The following KLHL10 variants were observed in gnomAD, a reference collection of about 807,000 sequenced individuals.
The protein encoded by KLHL10 is kelch-like protein 10.
KLHL10 carries 11 observed loss-of-function variants against 46.6 expected under a neutral mutation model. The ratio of observed to expected loss-of-function variants is 0.24; its 90% CI spans 0.15 to 0.39. The LOEUF (loss-of-function observed/expected upper bound fraction) is 0.39, where lower values mean the gene tolerates loss of function less well. KLHL10 is among the 10% of genes least tolerant of loss of function. The probability of loss-of-function intolerance (pLI) is 1.00; values close to 1 mark genes in which losing one functional copy is unlikely to be tolerated. For synonymous variants in KLHL10, 254 were observed against 279.1 expected, an observed-to-expected ratio of 0.91 and a Z score of 0.90; for missense variants, 475 against 789.8, an observed-to-expected ratio of 0.60 and a Z score of 4.78.
In KLHL10 at chr17:41,838,088, C is replaced by T; in HGVS notation, c.156C>T (p.Ala52=). ...AGGTCAATGGCTTTGAGTTCAGTGC[C>T]CATAAGAACATCCTCTGTAGCTGCA... is the stretch of plus-strand genomic sequence containing the variant. The part of the protein sequence containing the change: ...VIKVNGFEFS[A]HKNILCSCSS... The change falls in exon 1 of 5, where the codon GCC becomes GCT. Residue 52 remains alanine (A), a synonymous_variant. Transcript: ENST00000293303. The T allele has an allele frequency of 6.2e-7, 1 of 1,613,966 alleles. No homozygotes were observed. The highest frequency in any genetic ancestry group is 8.5e-7 in the Non-Finnish European group (1 of 1,179,974).
chr17:41,836,470 C>T, upstream of KLHL10: 4 of 984,490 alleles, frequency 4.1e-6, no homozygotes, highest in Non-Finnish European at 4.8e-6. Flanking sequence ...TTCTGCCACT[C>T]TTTGTGGAGG....
At chr17:41,836,464 G>GC, upstream of KLHL10, 1 of 984,900 alleles carries the variant, frequency 1.0e-6, no homozygotes, top group Non-Finnish European at 1.2e-6. Context: ...GTAGGGTTCT[G>GC]CCACTCTTTG....
chr17:41,844,499 TG>T (rs1394557667), intron 2 of KLHL10, among the ~76,000 whole-genome samples: 6 of 149,988 alleles, frequency 4.0e-5, no homozygotes, highest in Non-Finnish European at 5.9e-5. Context: ...CCCAAAATGT[TG>T]GGATTGCAGG....
upstream of KLHL10, chr17:41,836,035 G>A (rs1256892271): frequency 4.2e-6 from 6 of 1,439,526 alleles, no homozygotes; most frequent in Admixed American, 1.1e-4. Context: ...GCTCGGGCGC[G>A]CGTGTGAGGC....
chr17:41,836,397 T>A, upstream of KLHL10: 10 of 1,224,070 alleles, frequency 8.2e-6, no homozygotes, highest in Non-Finnish European at 1.0e-5. Context: ...GGAGGAGGGT[T>A]CTATTTATTA....
chr17:41,839,540 G>A (rs1217680734), intron 1 of KLHL10, among the ~76,000 whole-genome samples: 3 of 152,192 alleles, frequency 2.0e-5, no homozygotes, highest in African/African-American at 7.2e-5. Flanking sequence ...AATATCAGAA[G>A]AAAAAGGGAG....
intron 4 of KLHL10, 65 bp downstream of exon 4, chr17:41,847,475 T>G: frequency 6.3e-7 from 1 of 1,589,612 alleles, no homozygotes; most frequent in Non-Finnish European, 8.6e-7. Flanking sequence ...TATTAGTAAA[T>G]GGGTTTATGC....
Position 41,845,622 on chromosome 17 carries a change from T to C in KLHL10, c.1181T>C (p.Phe394Ser). ...LGNFIYAMGG[F>S]DGYVRLNTAE... ...AATTTTATTTATGCCATGGGAGGAT[T>C]TGATGGCTACGTGCGTCTAAACACT... Residue 394 changes from phenylalanine to serine, a missense_variant, in exon 3 of 5, where the codon TTT becomes TCT. Phe to Ser is a radical substitution (Grantham distance 155). Coordinates refer to ENST00000293303, the MANE Select transcript of KLHL10 (RefSeq NM_152467.5). 6.2e-7 allele frequency: 1 copy of C among 1,613,930 alleles called. No homozygotes were observed. Among genetic ancestry groups the C allele is most frequent in the South Asian group, 1.1e-5 (1 of 91,068 alleles).
chr17:41,847,846 T>C lies in KLHL10; in HGVS notation c.1453-87T>C, dbSNP rs577210476. The C allele has an allele frequency of 4.5e-5, 69 of 1,538,176 alleles. No individual in the cohort carries two copies. In the South Asian group the frequency reaches 6.5e-4, roughly 15 times the overall value. ...TGGAAGATAATGGAAGAGGGAGTTATGAGATCACTGGTACCCCCAACAAGG... is the reference window on the plus strand; with the variant it reads ...TGGAAGATAATGGAAGAGGGAGTTACGAGATCACTGGTACCCCCAACAAGG... On this transcript the variant is annotated intron_variant, in intron 4 of 4. Coordinates refer to ENST00000293303, the MANE Select transcript of KLHL10 (RefSeq NM_152467.5).
rs2048181858 is a variant in KLHL10 at position 41,837,847 on chromosome 17, A to G, written c.-86A>G. 6.3e-7 allele frequency: 1 copy of G among 1,598,596 alleles called. No individual in the cohort carries two copies. Among genetic ancestry groups the G allele is most frequent in the African/African-American group, 1.3e-5 (1 of 74,500 alleles). On this transcript the variant is annotated 5_prime_UTR_variant, in exon 1 of 5. Transcript: ENST00000293303. ...CCTATACAAAAGATGTAGTAGGGAA[A>G]AGGAGCGACAGCTGGCTAAAGGGGC...
chr17:41,836,310 G>A (rs2048159147), upstream of KLHL10: 1 of 1,229,552 alleles, frequency 8.1e-7, no homozygotes, highest in Admixed American at 4.3e-5. Flanking sequence ...GGGGCGGGGC[G>A]GGGGTGGGGC....
At chr17:41,836,741 A>C (rs990331829), upstream of KLHL10, among the ~76,000 whole-genome samples, 1 of 152,126 alleles carries the variant, frequency 6.6e-6, no homozygotes, top group African/African-American at 2.4e-5. Context: ...CACGAGGATC[A>C]CTTGAGCCCG....
chr17:41,846,179 T>G (rs1006054971), intron 3 of KLHL10, among the ~76,000 whole-genome samples: 1 of 149,830 alleles, frequency 6.7e-6, no homozygotes, highest in Non-Finnish European at 1.5e-5. Flanking sequence ...GCCATTTCAC[T>G]CCAGCCCGGG....
Position 41,842,136 on chromosome 17 carries a change from G to A in KLHL10, c.508G>A (p.Glu170Lys). The A allele has an allele frequency of 6.2e-7, 1 of 1,614,218 alleles. No homozygotes were observed. Among genetic ancestry groups the A allele is most frequent in the Non-Finnish European group, 8.5e-7 (1 of 1,180,050 alleles). ...AYMFILHNFE[E>K]MVKVSAEFLE... ...CATGTTCATACTGCACAACTTTGAG[G>A]AGATGGTGAAAGTCTCGGCAGAATT... The change falls in exon 2 of 5, where the codon GAG (glutamate) becomes AAG (lysine). Residue 170 changes from glutamate to lysine, a missense_variant. Coordinates refer to ENST00000293303, the MANE Select transcript of KLHL10 (RefSeq NM_152467.5).
At chr17:41,838,789 A>G (rs1259378568) in intron 1 of KLHL10, among the ~76,000 whole-genome samples, 1 of 150,678 alleles carries the variant, frequency 6.6e-6, no homozygotes, top group Non-Finnish European at 1.5e-5. Context: ...CCCCAGTTCA[A>G]TCCATTCTCC....
chr17:41,837,741 G>T, upstream of KLHL10: 2 of 1,373,114 alleles, frequency 1.5e-6, no homozygotes, highest in Admixed American at 2.8e-5. Context: ...AGTCCAGGAG[G>T]CAGTTCCAGA....
rs1555621720 is a variant in KLHL10 at position 41,848,279 on chromosome 17, C to G, written c.1799C>G (p.Ser600Cys). ...GLALRDEVKY[S>C]ASTSTLPV Reference sequence around the variant, plus strand: ...GCACTGCGAGATGAAGTAAAATATTCTGCTTCGACAAGTACCCTACCTGTA... The same window carrying G: ...GCACTGCGAGATGAAGTAAAATATTGTGCTTCGACAAGTACCCTACCTGTA... The change falls in exon 5 of 5, where the codon TCT (serine) becomes TGT (cysteine). Residue 600 changes from serine (S) to cysteine (C), a missense_variant. Ser to Cys is a moderately radical substitution (Grantham distance 112, BLOSUM62 -1). Transcript: ENST00000293303. 2 of 1,612,150 alleles carry G rather than the reference C, an allele frequency of 1.2e-6. No individual in the cohort carries two copies. The highest frequency in any genetic ancestry group is 1.1e-5 in the South Asian group (1 of 91,066).
chr17:41,846,530 C>T (rs1342595111), intron 3 of KLHL10, among the ~76,000 whole-genome samples: 6 of 150,062 alleles, frequency 4.0e-5, no homozygotes, highest in African/African-American at 1.5e-4. Flanking sequence ...AGCAAGACTC[C>T]GTCTCCAAAA....
In KLHL10 at chr17:41,848,331, A is replaced by T. The variant is rs2048311232; in HGVS notation, c.*24A>T. On this transcript the variant is annotated 3_prime_UTR_variant, in exon 5 of 5. Transcript: ENST00000293303. ...GAGCCTCTTCATTTAGCTAATAAAA[A>T]GTCTAAGCAATAAGAATTAATTCTT... The T allele has an allele frequency of 6.3e-7, 1 of 1,599,548 alleles. No individual in the cohort carries two copies. The highest frequency in any genetic ancestry group is 8.5e-7 in the Non-Finnish European group (1 of 1,178,188).
Sources: allele counts gnomAD v4.1 joint callset (sites outside exome capture counted in the v4.1 genomes callset), GRCh38; gene constraint gnomAD v4.1.1; transcripts MANE v1.5; gene names NCBI Gene and HGNC (gene_info 2026-07-23, HGNC 2026-07-21).